Variants in PPP2R1B observed in about 807,000 individuals in gnomAD.
PPP2R1B encodes protein phosphatase 2 scaffold subunit Abeta.
PPP2R1B carries 58 observed loss-of-function variants against 72.7 expected under a neutral mutation model. The ratio of observed to expected loss-of-function variants is 0.80; its 90% confidence interval spans 0.65 to 0.99. The LOEUF (loss-of-function observed/expected upper bound fraction) is 0.99. Among genes scored for constraint, PPP2R1B ranks in the 50% least tolerant of loss-of-function variants. The probability of loss-of-function intolerance (pLI) is 0.00; values close to 1 mark genes in which losing one functional copy is unlikely to be tolerated. For missense variants in PPP2R1B, 695 were observed against 733.6 expected, an observed-to-expected ratio of 0.95 and a Z score of 0.61; for synonymous variants, 256 against 264.6, an observed-to-expected ratio of 0.97 and a Z score of 0.32.
chr11:111,690,749 G>A, the PPP2R1B span, among the ~76,000 whole-genome samples: 3 of 152,018 alleles, frequency 2.0e-5, no homozygotes. Flanking sequence ...GAGGATGATG[G>A]TTTCCAGCTT....
chr11:111,723,582 C>T, downstream of PPP2R1B: 2 of 1,614,244 alleles, frequency 1.2e-6, no homozygotes, highest in Admixed American at 1.7e-5. Context: ...AGCTCCTACC[C>T]ACAGCCAAGT....
At chr11:111,764,987 A>C (rs1945468616) in intron 2 of PPP2R1B, 82 bp from the exon 3 acceptor site, 3 of 1,554,976 alleles carry the variant, frequency 1.9e-6, no homozygotes, top group Admixed American at 1.9e-5. Flanking sequence ...GAACAGATTC[A>C]CTATGCGACC....
chr11:111,755,031 G>C lies in PPP2R1B; in HGVS notation c.907C>G (p.Leu303Val), dbSNP rs372180374. Residue 303 changes from leucine to valine, a missense_variant, in exon 7 of 15, where the codon CTT becomes GTT. Transcript: ENST00000527614. ...NDLIPAFQNL[L>V]KDCEAEVRAA... is the part of the protein sequence containing the mutation. ...CGGACTTCAGCTTCACAGTCTTTAA[G>C]TAGGTTCTGAAAGGCGGGGATGAGG... 72 of 1,614,018 alleles carry C rather than the reference G, an allele frequency of 4.5e-5. No individual in the cohort carries two copies. Among genetic ancestry groups the C allele is most frequent in the Non-Finnish European group, 5.8e-5 (69 of 1,180,000 alleles).
chr11:111,757,131 G>GA (rs1320189067), intron 5 of PPP2R1B, among the ~76,000 whole-genome samples: 2 of 150,000 alleles, frequency 1.3e-5, no homozygotes, highest in African/African-American at 2.4e-5. Context: ...AAAAAACACC[G>GA]AAAAAAAAGA....
chr11:111,704,998 C>T, the PPP2R1B span: 1 of 1,604,676 alleles, frequency 6.2e-7, no homozygotes, highest in South Asian at 1.1e-5. Context: ...CTTTGCAGAA[C>T]AAGAGCTATA....
At chr11:111,715,778 T>C in the PPP2R1B span, among the ~76,000 whole-genome samples, 1 of 150,724 alleles carries the variant, frequency 6.6e-6, no homozygotes, top group African/African-American at 2.4e-5. Context: ...ACACGCACAC[T>C]TGAGTCATTT....
the PPP2R1B span, among the ~76,000 whole-genome samples, chr11:111,709,128 G>T: frequency 6.6e-6 from 1 of 152,226 alleles, no homozygotes; most frequent in African/African-American, 2.4e-5. Flanking sequence ...CGGAAATCAG[G>T]ATGAGGGTGC....
chr11:111,703,865 A>C, the PPP2R1B span, among the ~76,000 whole-genome samples: 1 of 152,210 alleles, frequency 6.6e-6, no homozygotes, highest in Admixed American at 6.5e-5. Flanking sequence ...CTAAGAAGGC[A>C]AAAACAGGTG....
chr11:111,766,076 GGGGCGTGTCACCAC>G, intron 1 of PPP2R1B, 158 bp downstream of exon 1: 1 of 656,590 alleles, frequency 1.5e-6, no homozygotes, highest in Non-Finnish European at 2.7e-6. Flanking sequence ...CGGGAGGGTC[GGGGCGTGTCACCAC>G]AGCCCCTCGC....
Position 111,741,347 on chromosome 11 carries a change from G to A in PPP2R1B, c.*249C>T. On this transcript the variant is annotated 3_prime_UTR_variant, in exon 15 of 15. Coordinates refer to ENST00000527614, the MANE Select transcript of PPP2R1B (RefSeq NM_002716.5). Reference sequence around the variant, plus strand: ...GGTGGTGATGGATAAAGCATTAGGAGACAATCAAGTGTCAGGAATTGGTCA... The same window carrying A: ...GGTGGTGATGGATAAAGCATTAGGAAACAATCAAGTGTCAGGAATTGGTCA... 1 of 1,331,314 alleles carries A rather than the reference G, an allele frequency of 7.5e-7. No individual in the cohort carries two copies. Among genetic ancestry groups the A allele is most frequent in the Non-Finnish European group, 9.6e-7 (1 of 1,041,646 alleles). The allele number at this position is 1,331,314 out of a possible 1,614,324, so 82.5% of individuals were successfully genotyped here. A position where few individuals can be genotyped will look rare whatever the true frequency, so the allele number is the denominator to read the frequency against.
chr11:111,766,206 A>C (rs1555053084), intron 1 of PPP2R1B, 42 bp downstream of exon 1: 1 of 1,601,250 alleles, frequency 6.2e-7, no homozygotes, highest in Non-Finnish European at 8.5e-7. Context: ...CTACCACGCG[A>C]CCAGCCGGTC....
downstream of PPP2R1B, among the ~76,000 whole-genome samples, chr11:111,733,622 G>C (rs531827710): frequency 6.6e-6 from 1 of 152,148 alleles, no homozygotes; most frequent in East Asian, 1.9e-4. Flanking sequence ...CCACATAGTT[G>C]GGGGTGGGAC....
At chr11:111,746,721 C>T (rs1944717080) in intron 11 of PPP2R1B, among the ~76,000 whole-genome samples, 1 of 152,030 alleles carries the variant, frequency 6.6e-6, no homozygotes, top group Non-Finnish European at 1.5e-5. Context: ...TCAGATATAA[C>T]ATAAACATTT....
intron 11 of PPP2R1B, among the ~76,000 whole-genome samples, chr11:111,745,841 A>C (rs913746695): frequency 3.3e-5 from 5 of 152,248 alleles, no homozygotes; most frequent in African/African-American, 1.2e-4. Flanking sequence ...ACTAGGGGAA[A>C]AGTTTCAAAA....
At chr11:111,699,186 C>T in the PPP2R1B span, among the ~76,000 whole-genome samples, 1 of 152,128 alleles carries the variant, frequency 6.6e-6, no homozygotes, top group Non-Finnish European at 1.5e-5. Flanking sequence ...TCCCTGGCAC[C>T]ACCTTTGCCT....
the PPP2R1B span, among the ~76,000 whole-genome samples, chr11:111,707,419 G>C: frequency 6.6e-6 from 1 of 152,222 alleles, no homozygotes; most frequent in Admixed American, 6.5e-5. Flanking sequence ...TCTTATGTTC[G>C]ATAATTTTTT....
the PPP2R1B span, among the ~76,000 whole-genome samples, chr11:111,689,899 A>AT: frequency 2.1e-4 from 31 of 148,354 alleles, no homozygotes; most frequent in South Asian, 2.1e-3. Flanking sequence ...ATAGTCTGTG[A>AT]TTTTTTTTTT....
intron 5 of PPP2R1B, among the ~76,000 whole-genome samples, chr11:111,756,591 A>G (rs1945128878): frequency 6.6e-6 from 1 of 152,232 alleles, no homozygotes; most frequent in Non-Finnish European, 1.5e-5. Context: ...AGCATAAGAT[A>G]ATGACTTGGA....
Position 111,756,788 on chromosome 11 carries a change from C to T in PPP2R1B, c.688-1338G>A, listed in dbSNP as rs544813608. Among the ~76,000 whole-genome samples, 12 of 152,312 alleles carry T rather than the reference C, an allele frequency of 7.9e-5. No individual in the cohort carries two copies. The South Asian group carries it at 2.3e-3, about 29-fold the overall frequency. ...ACAGCCAATGTCAACGTGACACCTA[C>T]GTCCTTTGAACAAGTGGAAAATATA... On this transcript the variant is annotated intron_variant, in intron 5 of 14. Transcript: ENST00000527614.
Sources: gnomAD v4.1 joint callset for allele counts (sites outside exome capture counted in the v4.1 genomes callset) on GRCh38, gnomAD v4.1.1 for gene constraint, MANE v1.5 for transcripts, NCBI Gene and HGNC (gene_info 2026-07-23, HGNC 2026-07-21) for gene names.